The following PTBP2 variants were observed in gnomAD, a reference collection of about 807,000 sequenced individuals.
PTBP2 encodes the protein polypyrimidine tract binding protein 2, also known as polypyrimidine tract-binding protein 2.
PTBP2 carries 13 observed loss-of-function variants against 61.4 expected under a neutral mutation model. That is an observed-to-expected ratio of 0.21 (90% CI 0.14 to 0.34). PTBP2 has a LOEUF of 0.34. PTBP2 is among the 10% of genes least tolerant of loss of function. The pLI, the probability that PTBP2 is intolerant of heterozygous loss-of-function variation, is 1.00. For missense variants in PTBP2, 405 were observed against 642.6 expected, an observed-to-expected ratio of 0.63 and a Z score of 4.00; for synonymous variants, 215 against 218.5, an observed-to-expected ratio of 0.98 and a Z score of 0.14.
intron 5 of PTBP2, among the ~76,000 whole-genome samples, chr1:96,774,529 A>T (rs1287433074): frequency 6.6e-6 from 1 of 152,350 alleles, no homozygotes; most frequent in Non-Finnish European, 1.5e-5. Flanking sequence ...GCAAATGAGT[A>T]TGCATTAACC....
chr1:96,797,820 A>G lies in PTBP2; in HGVS notation c.905-6980A>G, dbSNP rs560093802. Among the ~76,000 whole-genome samples the G allele has an allele frequency of 9.2e-5, 14 of 152,356 alleles. 1 individual carries two copies. In the South Asian group the frequency reaches 2.1e-3, roughly 23 times the overall value. ...GGAATAATGACAAGAACAACTTTCT[A>G]TACATTTGCAGTACACCATTGTTTT... On this transcript the variant is annotated intron_variant, in intron 8 of 13. Coordinates refer to ENST00000674951, the MANE Select transcript of PTBP2 (RefSeq NM_021190.4).
intron 8 of PTBP2, among the ~76,000 whole-genome samples, chr1:96,787,306 G>T (rs1328698840): frequency 6.6e-6 from 1 of 152,164 alleles, no homozygotes; most frequent in East Asian, 1.9e-4. Flanking sequence ...ACAGGTGTGA[G>T]CCACCATGCC....
chr1:96,804,651 C>G, intron 8 of PTBP2, 149 bp from the exon 9 acceptor site: 1 of 694,878 alleles, frequency 1.4e-6, no homozygotes, highest in South Asian at 3.2e-5. Flanking sequence ...AACAATTTTT[C>G]TAAACACTAT....
chr1:96,777,673 C>T lies in PTBP2; in HGVS notation c.521C>T (p.Thr174Ile). ...SGTTVSESAV[T>I]PAQSPVLRII... ...ACCACAGTTAGCGAGAGTGCAGTGA[C>T]TCCAGCCCAGAGTCCAGTACTTAGA... is the stretch of plus-strand genomic sequence containing the variant. The change falls in exon 6 of 14, where the codon ACT becomes ATT. Residue 174 changes from threonine to isoleucine, a missense_variant. Physicochemically the swap from Thr to Ile is moderately conservative, Grantham distance 89. This residue lies in a region of PTBP2 where 342 missense variants were observed against 491.2 expected (regional missense o/e 0.70). Coordinates refer to ENST00000674951, the MANE Select transcript of PTBP2 (RefSeq NM_021190.4). The T allele has an allele frequency of 6.2e-7, 1 of 1,613,492 alleles. No homozygotes were observed. The highest frequency in any genetic ancestry group is 8.5e-7 in the Non-Finnish European group (1 of 1,179,530).
intron 1 of PTBP2, 110 bp downstream of exon 1, chr1:96,721,982 C>A (rs1432087230): frequency 1.7e-5 from 24 of 1,408,156 alleles, no homozygotes; most frequent in Non-Finnish European, 2.3e-5. Context: ...CAGGGCTGGG[C>A]TGCCGTTACC....
In PTBP2 at chr1:96,796,615, T is replaced by G. The variant is rs563557241; in HGVS notation, c.905-8185T>G. ...ATTTCTAGAATTAGCATTTGTGGGG[T>G]GTGTGTGTTTTCACTCTAGTATTTG... On this transcript the variant is annotated intron_variant, in intron 8 of 13. Transcript: ENST00000674951. Among the ~76,000 whole-genome samples, 4 of 152,032 alleles carry G rather than the reference T, an allele frequency of 2.6e-5. No homozygotes were observed. In the East Asian group the frequency reaches 5.8e-4, roughly 22 times the overall value.
intron 11 of PTBP2, among the ~76,000 whole-genome samples, chr1:96,808,807 ACAAACAC>A (rs1661749748): frequency 6.7e-6 from 1 of 148,448 alleles, no homozygotes; most frequent in Non-Finnish European, 1.5e-5. Flanking sequence ...ACACACACAC[ACAAACAC>A]ACACACACAC....
intron 7 of PTBP2, 185 bp from the exon 8 acceptor site, chr1:96,784,874 A>G: frequency 4.1e-6 from 2 of 487,938 alleles, no homozygotes; most frequent in Non-Finnish European, 7.1e-6. Context: ...TAAGGAAGAT[A>G]ATATTTGGGG....
chr1:96,810,890 T>C (rs1662015138), intron 11 of PTBP2, among the ~76,000 whole-genome samples: 1 of 152,182 alleles, frequency 6.6e-6, no homozygotes, highest in Non-Finnish European at 1.5e-5. Flanking sequence ...AGCGTAAATT[T>C]GCAAGTATAT....
intron 1 of PTBP2, among the ~76,000 whole-genome samples, chr1:96,722,625 G>A (rs992615761): frequency 6.6e-6 from 1 of 152,230 alleles, no homozygotes; most frequent in Non-Finnish European, 1.5e-5. Flanking sequence ...AGTGTTTGAA[G>A]CCGACATCAG....
At chr1:96,787,185 T>C (rs538306354) in intron 8 of PTBP2, among the ~76,000 whole-genome samples, 3 of 152,076 alleles carry the variant, frequency 2.0e-5, no homozygotes, top group Non-Finnish European at 2.9e-5. Context: ...CACCCCTGGC[T>C]AACTTTTGTC....
At chr1:96,788,566 A>T (rs1275129504) in intron 8 of PTBP2, among the ~76,000 whole-genome samples, 1 of 152,048 alleles carries the variant, frequency 6.6e-6, no homozygotes, top group African/African-American at 2.4e-5. Flanking sequence ...TATTGGTGGG[A>T]TTAACTTCCT....
chr1:96,753,663 A>T (rs1346765504), intron 3 of PTBP2, among the ~76,000 whole-genome samples: 1 of 152,198 alleles, frequency 6.6e-6, no homozygotes, highest in East Asian at 1.9e-4. Context: ...GACAAGGACG[A>T]TAAGTATTTT....
At chr1:96,809,831 CG>C (rs1661874932) in intron 11 of PTBP2, among the ~76,000 whole-genome samples, 1 of 151,768 alleles carries the variant, frequency 6.6e-6, no homozygotes, top group Admixed American at 6.6e-5. Context: ...GAAGTCTTGA[CG>C]GGAAGTTTTA....
intron 8 of PTBP2, among the ~76,000 whole-genome samples, chr1:96,798,231 C>T (rs181133265): frequency 7.1e-4 from 108 of 151,392 alleles, no homozygotes; most frequent in African/African-American, 2.5e-3. Flanking sequence ...CATGGTGAAA[C>T]ACTGTCTCTA....
At chr1:96,809,290 C>CT (rs1011455235) in intron 11 of PTBP2, among the ~76,000 whole-genome samples, 7 of 152,246 alleles carry the variant, frequency 4.6e-5, no homozygotes, top group Admixed American at 1.3e-4. Flanking sequence ...AATTATGTGT[C>CT]TAAGTTATGC....
intron 11 of PTBP2, among the ~76,000 whole-genome samples, chr1:96,809,004 TAGTA>T (rs1417994499): frequency 3.3e-5 from 5 of 152,196 alleles, no homozygotes; most frequent in African/African-American, 4.8e-5. Flanking sequence ...ACTGGACAGA[TAGTA>T]AGCAAGACAA....
In PTBP2 at chr1:96,751,510, A is replaced by G. The variant is rs1227729219; in HGVS notation, c.115+10A>G. 6.2e-7 allele frequency: 1 copy of G among 1,604,448 alleles called. No individual in the cohort carries two copies. The highest frequency in any genetic ancestry group is 1.3e-5 in the African/African-American group (1 of 74,734). On this transcript the variant is annotated intron_variant, in intron 3 of 13. Coordinates refer to ENST00000674951, the MANE Select transcript of PTBP2 (RefSeq NM_021190.4). ...AGCATGGTAGTTACAGGTAAGTGTTACTCTCTTAGCAGTCTGTCATTTGCC... is the reference window on the plus strand; with the variant it reads ...AGCATGGTAGTTACAGGTAAGTGTTGCTCTCTTAGCAGTCTGTCATTTGCC...
rs1243752640 is a variant in PTBP2 at position 96,762,907 on chromosome 1, C to T, written c.116-6796C>T. 1.1e-4 allele frequency among the ~76,000 whole-genome samples: 16 copies of T among 151,318 alleles called. No individual in the cohort carries two copies. In the East Asian group the frequency reaches 1.4e-3, roughly 13 times the overall value. On this transcript the variant is annotated intron_variant, in intron 3 of 13. Coordinates refer to ENST00000674951, the MANE Select transcript of PTBP2 (RefSeq NM_021190.4). ...GCTCCTCACCTCCCAGACGGGGTCG[C>T]GGCCGGGTAGAGGCGCTCCTCACAT...
Sources: gnomAD v4.1 joint callset for allele counts (sites outside exome capture counted in the v4.1 genomes callset) on GRCh38, gnomAD v4.1.1 for gene constraint, gnomAD v4.1.1 regional missense constraint, MANE v1.5 for transcripts, NCBI Gene and HGNC (gene_info 2026-07-23, HGNC 2026-07-21) for gene names.